The following UXS1 variants were observed in gnomAD, a reference collection of about 807,000 sequenced individuals.
UXS1 encodes the protein UDP-glucuronate decarboxylase 1.
A neutral mutation model predicts 62.6 loss-of-function variants in UXS1; 33 were observed. The observed-to-expected ratio is 0.53, with a 90% CI of 0.40 to 0.70. UXS1 has a LOEUF of 0.70. UXS1 is among the 30% of genes least tolerant of loss of function. UXS1 has a pLI of 0.00. For missense variants in UXS1, 434 were observed against 556.3 expected, an observed-to-expected ratio of 0.78 and a Z score of 2.21; for synonymous variants, 213 against 206.8, an observed-to-expected ratio of 1.03 and a Z score of -0.26.
rs78173894 is a variant in UXS1 at position 106,130,811 on chromosome 2, C to T, written c.473-1033G>A. Reference sequence around the variant, plus strand: ...CCCAGTGAGGTGATGCCTGGGTCCCCAACACCCTGAAGCAGGCTGGGAGAC... The same window carrying T: ...CCCAGTGAGGTGATGCCTGGGTCCCTAACACCCTGAAGCAGGCTGGGAGAC... On this transcript the variant is annotated intron_variant, in intron 6 of 14. Transcript: ENST00000283148. Among the ~76,000 whole-genome samples the T allele has an allele frequency of 5.5e-3, 844 of 152,250 alleles. 12 individuals carry two copies. Among genetic ancestry groups the T allele is most frequent in the African/African-American group, 0.02 (811 of 41,562 alleles).
chr2:106,097,934 C>T (rs544896463), intron 13 of UXS1, among the ~76,000 whole-genome samples: 10 of 152,240 alleles, frequency 6.6e-5, no homozygotes, highest in African/African-American at 2.4e-4. Flanking sequence ...TTCCAGCCAT[C>T]CGGGTCGATT....
chr2:106,142,314 A>T (rs954882484), intron 6 of UXS1, among the ~76,000 whole-genome samples: 1 of 152,248 alleles, frequency 6.6e-6, no homozygotes, highest in African/African-American at 2.4e-5. Flanking sequence ...AATATTTCAG[A>T]TTCTCTTCCA....
rs1573394031 is a variant in UXS1 at position 106,100,808 on chromosome 2, T to A, written c.984+250A>T. On this transcript the variant is annotated intron_variant, in intron 12 of 14. Transcript: ENST00000283148. Reference sequence around the variant, plus strand: ...ACTACCACCAAAAGGCTTCACACAATCTTAGACCCAGGCCCTTCAGAAGGT... The same window carrying A: ...ACTACCACCAAAAGGCTTCACACAAACTTAGACCCAGGCCCTTCAGAAGGT... The A allele has an allele frequency of 9.9e-6, 5 of 502,902 alleles. No homozygotes were observed. In the East Asian group the frequency reaches 1.7e-4, roughly 17 times the overall value. 31.2% of individuals were successfully genotyped at this position (502,902 alleles called of 1,614,324 possible).
intron 14 of UXS1, among the ~76,000 whole-genome samples, chr2:106,094,612 C>T (rs1268313145): frequency 1.3e-5 from 2 of 152,156 alleles, no homozygotes; most frequent in Non-Finnish European, 2.9e-5. Context: ...TCCCACGTGA[C>T]ATCAACCCTT....
intron 1 of UXS1, among the ~76,000 whole-genome samples, chr2:106,168,602 C>T (rs901611170): frequency 1.3e-5 from 2 of 152,166 alleles, no homozygotes; most frequent in African/African-American, 4.8e-5. Flanking sequence ...TACCTTTGAA[C>T]CATGTGATTT....
At position 106,194,285 on chromosome 2, in the gene UXS1, C is replaced by G. The variant is rs911808580; in HGVS notation, c.-44G>C. ...TCCAGGGCCCTACCGCGCGGGGGCC[C>G]GCCTGCTGCACAATGCGCGGCGGCG... is the stretch of plus-strand genomic sequence containing the variant. On this transcript the variant is annotated 5_prime_UTR_variant, in exon 1 of 15. Coordinates refer to ENST00000283148, the MANE Select transcript of UXS1 (RefSeq NM_001253875.2). The G allele has an allele frequency of 1.7e-6, 2 of 1,185,408 alleles. No individual in the cohort carries two copies. Among genetic ancestry groups the G allele is most frequent in the East Asian group, 3.9e-5 (1 of 25,662 alleles). The allele number at this position is 1,185,408 out of a possible 1,614,324, so 73.4% of individuals were successfully genotyped here.
chr2:106,102,658 CTGT>C (rs1190600738), intron 11 of UXS1: 1 of 152,140 alleles, frequency 6.6e-6, no homozygotes, highest in African/African-American at 2.4e-5. Context: ...ACTCCCTGCA[CTGT>C]TGTTTCGAGG....
intron 13 of UXS1, chr2:106,097,142 C>G: frequency 2.0e-6 from 1 of 496,908 alleles, no homozygotes; most frequent in East Asian, 5.8e-5. Flanking sequence ...ACCACCCACA[C>G]CAGGTAACAA....
Position 106,194,247 on chromosome 2 carries a change from G to A in UXS1, c.-6C>T, listed in dbSNP as rs1035265108. On this transcript the variant is annotated 5_prime_UTR_variant, in exon 1 of 15. Transcript: ENST00000283148. ...AGCAGCGCCTTGCTCACCATCCCCGGGAGCCGCGCGGGTCCAGGGCCCTAC... is the reference window on the plus strand; with the variant it reads ...AGCAGCGCCTTGCTCACCATCCCCGAGAGCCGCGCGGGTCCAGGGCCCTAC... The A allele has an allele frequency of 2.5e-5, 35 of 1,428,506 alleles. No individual in the cohort carries two copies. The African/African-American group carries it at 3.0e-4, about 12-fold the overall frequency. The allele number at this position is 1,428,506 out of a possible 1,614,324, so 88.5% of individuals were successfully genotyped here.
chr2:106,152,076 C>T (rs1306958587), intron 5 of UXS1, among the ~76,000 whole-genome samples: 3 of 152,228 alleles, frequency 2.0e-5, no homozygotes, highest in South Asian at 2.1e-4. Context: ...GCTCCACAGA[C>T]CTGTTCCCCA....
chr2:106,095,310 T>C (rs1376430630), intron 14 of UXS1, among the ~76,000 whole-genome samples: 1 of 152,258 alleles, frequency 6.6e-6, no homozygotes, highest in Non-Finnish European at 1.5e-5. Context: ...ATAACCTGTT[T>C]TGCACAGCTT....
chr2:106,120,154 T>C (rs1679403277), intron 9 of UXS1, among the ~76,000 whole-genome samples: 4 of 152,336 alleles, frequency 2.6e-5, no homozygotes, highest in African/African-American at 7.2e-5. Context: ...CCCATGGCTC[T>C]TCCTACAAGG....
At chr2:106,176,422 G>A (rs1043236772) in intron 1 of UXS1, among the ~76,000 whole-genome samples, 4 of 152,336 alleles carry the variant, frequency 2.6e-5, no homozygotes, top group Middle Eastern at 3.4e-3. Flanking sequence ...CAGAAGGTTC[G>A]AATTAGAAGA....
intron 11 of UXS1, 115 bp from the exon 12 acceptor site, chr2:106,101,233 C>A: frequency 3.7e-6 from 4 of 1,079,596 alleles, no homozygotes; most frequent in Non-Finnish European, 4.0e-6. Context: ...AAACAAAAAC[C>A]CAAATGGAAA....
intron 4 of UXS1, chr2:106,159,385 G>GA (rs1682717429): frequency 6.6e-6 from 1 of 152,188 alleles, no homozygotes; most frequent in African/African-American, 2.4e-5. Flanking sequence ...CAGCGTCCCT[G>GA]GTAAAACGAC....
intron 5 of UXS1, among the ~76,000 whole-genome samples, chr2:106,146,171 G>A (rs1157221775): frequency 6.6e-6 from 1 of 152,216 alleles, no homozygotes; most frequent in Non-Finnish European, 1.5e-5. Context: ...AATTTCATCT[G>A]GGGGAAGGTT....
At chr2:106,152,127 A>G (rs1021929428) in intron 5 of UXS1, among the ~76,000 whole-genome samples, 3 of 152,228 alleles carry the variant, frequency 2.0e-5, no homozygotes, top group Non-Finnish European at 4.4e-5. Flanking sequence ...TTTTTAAATA[A>G]CCATTAAAAG....
chr2:106,177,094 C>T (rs1318971200), intron 1 of UXS1, among the ~76,000 whole-genome samples: 2 of 151,998 alleles, frequency 1.3e-5, no homozygotes, highest in Non-Finnish European at 2.9e-5. Flanking sequence ...ACTTTTTGCA[C>T]ATAAAATGCC....
intron 10 of UXS1, among the ~76,000 whole-genome samples, chr2:106,105,359 G>A (rs1374596575): frequency 1.3e-5 from 2 of 151,494 alleles, no homozygotes; most frequent in Non-Finnish European, 2.9e-5. Flanking sequence ...AAGGTGGAGA[G>A]GCATGCAGGA....
Sources: gnomAD v4.1 joint callset for allele counts (sites outside exome capture counted in the v4.1 genomes callset) on GRCh38, gnomAD v4.1.1 for gene constraint, MANE v1.5 for transcripts, NCBI Gene and HGNC (gene_info 2026-07-23, HGNC 2026-07-21) for gene names.